Variants in PNPLA1 observed in about 807,000 individuals in gnomAD.
PNPLA1 encodes omega-hydroxyceramide transacylase.
PNPLA1 carries 36 observed loss-of-function variants against 51.7 expected under a neutral mutation model. That is an observed-to-expected ratio of 0.70 (90% CI 0.53 to 0.92). The LOEUF (loss-of-function observed/expected upper bound fraction) is 0.92, where lower values mean the gene tolerates loss of function less well. PNPLA1 is among the 40% of genes least tolerant of loss of function. The pLI, the probability that PNPLA1 is intolerant of heterozygous loss-of-function variation, is 0.00. For synonymous variants in PNPLA1, 293 were observed against 280.1 expected, an observed-to-expected ratio of 1.05 and a Z score of -0.46; for missense variants, 658 against 682.5, an observed-to-expected ratio of 0.96 and a Z score of 0.40.
intron 1 of PNPLA1, among the ~76,000 whole-genome samples, chr6:36,286,913 C>T (rs1387521757): frequency 5.9e-5 from 9 of 152,074 alleles, no homozygotes; most frequent in Admixed American, 2.0e-4. Context: ...CTCAAACTCC[C>T]GGGCTCAAGC....
chr6:36,293,283 G>A (rs1260932193), intron 3 of PNPLA1, among the ~76,000 whole-genome samples, 157 bp downstream of exon 3: 2 of 152,174 alleles, frequency 1.3e-5, no homozygotes, highest in East Asian at 1.9e-4. Context: ...TCCCAATGTA[G>A]GTGGCTTTCT....
At chr6:36,264,024 G>T (rs946123722) in intron 1 of PNPLA1, among the ~76,000 whole-genome samples, 2 of 152,032 alleles carry the variant, frequency 1.3e-5, no homozygotes, top group African/African-American at 4.8e-5. Flanking sequence ...CTCTCCTTTC[G>T]TCCCTTCTGC....
chr6:36,289,018 T>C (rs1025312762), intron 1 of PNPLA1, among the ~76,000 whole-genome samples: 1 of 152,232 alleles, frequency 6.6e-6, no homozygotes, highest in African/African-American at 2.4e-5. Context: ...AAATAGTGTG[T>C]ATTATATGAC....
At chr6:36,298,029 A>G (rs1199008914) in intron 5 of PNPLA1, among the ~76,000 whole-genome samples, 2 of 152,208 alleles carry the variant, frequency 1.3e-5, no homozygotes, top group South Asian at 4.1e-4. Context: ...CTGCCATTAT[A>G]GATTAATTCA....
At chr6:36,288,674 G>A (rs1401213239) in intron 1 of PNPLA1, among the ~76,000 whole-genome samples, 4 of 151,720 alleles carry the variant, frequency 2.6e-5, no homozygotes, top group Non-Finnish European at 5.9e-5. Context: ...TAGCCAGGAT[G>A]GTCTCGATCT....
chr6:36,298,962 C>T (rs1770940172), intron 5 of PNPLA1, among the ~76,000 whole-genome samples: 1 of 152,188 alleles, frequency 6.6e-6, no homozygotes, highest in Non-Finnish European at 1.5e-5. Context: ...TGGTCTCGAT[C>T]TCCTCACCTC....
intron 7 of PNPLA1, among the ~76,000 whole-genome samples, chr6:36,306,691 A>G (rs1337719998): frequency 2.6e-5 from 4 of 152,136 alleles, no homozygotes; most frequent in Non-Finnish European, 5.9e-5. Context: ...CTCTCTGGTG[A>G]TGCCACAGTT....
intron 6 of PNPLA1, among the ~76,000 whole-genome samples, chr6:36,302,847 C>T (rs958057079): frequency 6.6e-6 from 1 of 152,092 alleles, no homozygotes; most frequent in African/African-American, 2.4e-5. Flanking sequence ...CATTTGAGAC[C>T]GCTGGGCCAG....
intron 5 of PNPLA1, 137 bp from the exon 6 acceptor site, chr6:36,301,724 A>G: frequency 8.2e-7 from 1 of 1,221,740 alleles, no homozygotes; most frequent in Non-Finnish European, 1.1e-6. Flanking sequence ...GTTTTCACTC[A>G]CTGTAAATTC....
chr6:36,307,496 G>A (rs2127356093), intron 7 of PNPLA1, 91 bp from the exon 8 acceptor site: 3 of 1,483,488 alleles, frequency 2.0e-6, no homozygotes, highest in Non-Finnish European at 2.7e-6. Flanking sequence ...CCACAGCGCG[G>A]GTGTGTCCAC....
At chr6:36,253,673 C>G (rs1769470099) in intron 1 of PNPLA1, among the ~76,000 whole-genome samples, 1 of 152,100 alleles carries the variant, frequency 6.6e-6, no homozygotes, top group Admixed American at 6.5e-5. Context: ...GAGACTGGGT[C>G]TCGATATTTT....
intron 2 of PNPLA1, 43 bp from the exon 3 acceptor site, chr6:36,293,018 A>AC (rs1554137864): frequency 6.4e-7 from 1 of 1,557,272 alleles, no homozygotes. Flanking sequence ...TCCCCACCCC[A>AC]CCCCCGGGCC....
intron 7 of PNPLA1, among the ~76,000 whole-genome samples, 191 bp downstream of exon 7, chr6:36,306,567 G>T (rs1378249056): frequency 6.6e-6 from 1 of 152,196 alleles, no homozygotes; most frequent in African/African-American, 2.4e-5. Flanking sequence ...TTAGGGCAGT[G>T]TGTGGGGAAG....
intron 1 of PNPLA1, among the ~76,000 whole-genome samples, chr6:36,290,890 T>G (rs6914153): frequency 0.43 from 65,010 of 152,060 alleles, 14,346 homozygotes; most frequent in African/African-American, 0.52. Context: ...TAGGAACAAC[T>G]TCCAACTGCA....
At position 36,302,273 on chromosome 6, in the gene PNPLA1, G is replaced by A; in HGVS notation, c.1188G>A (p.Leu396=). 1 of 1,614,076 alleles carries A rather than the reference G, an allele frequency of 6.2e-7. No homozygotes were observed. Among genetic ancestry groups the A allele is most frequent in the East Asian group, 2.2e-5 (1 of 44,876 alleles). ...CACTGCCCACCCCACCACCTGGACT[G>A]TCACCTCTGTCACCTCAGCAGCAGG... ...GSSLPTPPPG[L]SPLSPQQQVQ... The change falls in exon 6 of 9, where the codon CTG becomes CTA. Residue 396 remains leucine (L), a synonymous_variant. Transcript: ENST00000636260.
chr6:36,244,408 G>T lies in PNPLA1; in HGVS notation c.-81+1147G>T, dbSNP rs982856883. ...TGTACTGTTTGGCACTGAGGGTTTT[G>T]TTTTTTTTTTTAACTTAGTATTTCT... On this transcript the variant is annotated intron_variant, in intron 1 of 7. Transcript: ENST00000312917. Among the ~76,000 whole-genome samples the T allele has an allele frequency of 2.9e-3, 425 of 144,816 alleles. 1 individual carries two copies. Among genetic ancestry groups the T allele is most frequent in the African/African-American group, 0.01 (397 of 39,662 alleles).
intron 1 of PNPLA1, among the ~76,000 whole-genome samples, chr6:36,277,140 G>A (rs1461134376): frequency 6.6e-6 from 1 of 152,170 alleles, no homozygotes. Flanking sequence ...CCACACAGTG[G>A]GGAAACATGA....
chr6:36,279,897 G>T (rs1254489876), intron 1 of PNPLA1, among the ~76,000 whole-genome samples: 1 of 152,210 alleles, frequency 6.6e-6, no homozygotes, highest in Non-Finnish European at 1.5e-5. Flanking sequence ...ATGTCCCAGA[G>T]AACAAATTAA....
At chr6:36,258,173 G>A (rs995768878) in intron 1 of PNPLA1, among the ~76,000 whole-genome samples, 1 of 152,128 alleles carries the variant, frequency 6.6e-6, no homozygotes, top group African/African-American at 2.4e-5. Flanking sequence ...CATGCAGCTT[G>A]GAGTCTGTCC....
Sources: gnomAD v4.1 joint callset for allele counts (sites outside exome capture counted in the v4.1 genomes callset) on GRCh38, gnomAD v4.1.1 for gene constraint, MANE v1.5 for transcripts, NCBI Gene and HGNC (gene_info 2026-07-23, HGNC 2026-07-21) for gene names.